The following CAMSAP2 variants were observed in gnomAD, a reference collection of about 807,000 sequenced individuals.
The protein encoded by CAMSAP2 is calmodulin regulated spectrin associated protein family member 2, also known as calmodulin-regulated spectrin-associated protein 2.
A neutral mutation model predicts 146.1 loss-of-function variants in CAMSAP2; 26 were observed. That is an observed-to-expected ratio of 0.18 (90% CI 0.13 to 0.25). The LOEUF is 0.25. Ranked by LOEUF, CAMSAP2 falls within the 10% of genes least tolerant of loss-of-function variation. The pLI is 1.00. For synonymous variants in CAMSAP2, 499 were observed against 596.6 expected (o/e 0.84, Z 2.38); for missense variants, 1,381 against 1,759.3 (o/e 0.78, Z 3.85).
At position 200,810,766 on chromosome 1, in the gene CAMSAP2, G is replaced by A. The variant is rs535872969; in HGVS notation, c.561+3229G>A. Among the ~76,000 whole-genome samples, 7 of 152,042 alleles carry A rather than the reference G, an allele frequency of 4.6e-5. No individual in the cohort carries two copies. In the East Asian group the frequency reaches 1.2e-3, roughly 25 times the overall value. On this transcript the variant is annotated intron_variant, in intron 3 of 16. Coordinates refer to ENST00000358823, the MANE Select transcript of CAMSAP2 (RefSeq NM_203459.4). ...TAGCTGGGCGTGGTGGCACGCGCCT[G>A]TAGTCCCAGCTACTTGGGAGGCTGA... is the stretch of plus-strand genomic sequence containing the variant.
intron 2 of CAMSAP2, among the ~76,000 whole-genome samples, chr1:200,798,185 T>C (rs199593776): frequency 0.15 from 22,087 of 146,220 alleles, 1,617 homozygotes; most frequent in East Asian, 0.31. Context: ...GAACTTTAGT[T>C]TTTTCCAATT....
Position 200,858,114 on chromosome 1 carries a change from C to T in CAMSAP2, c.*55C>T, listed in dbSNP as rs926697996. The T allele has an allele frequency of 6.3e-6, 9 of 1,418,144 alleles. No individual in the cohort carries two copies. Among genetic ancestry groups the T allele is most frequent in the African/African-American group, 4.3e-5 (3 of 69,326 alleles). The allele number at this position is 1,418,144 out of a possible 1,614,324, so 87.8% of individuals were successfully genotyped here. A position where few individuals can be genotyped will look rare whatever the true frequency, so the allele number is the denominator to read the frequency against. On this transcript the variant is annotated 3_prime_UTR_variant, in exon 17 of 17. Coordinates refer to ENST00000358823, the MANE Select transcript of CAMSAP2 (RefSeq NM_203459.4). ...CATGGTAAATTTGCACTTCATCTTT[C>T]CTGCCTATAGAAAATCTTTCTAATT...
chr1:200,836,898 G>C (rs1033279784), intron 6 of CAMSAP2, among the ~76,000 whole-genome samples: 1 of 151,966 alleles, frequency 6.6e-6, no homozygotes, highest in Non-Finnish European at 1.5e-5. Flanking sequence ...TATGTCTTTT[G>C]AAAAGTGTCT....
At chr1:200,778,658 G>T (rs1665348445) in intron 2 of CAMSAP2, among the ~76,000 whole-genome samples, 1 of 151,894 alleles carries the variant, frequency 6.6e-6, no homozygotes, top group African/African-American at 2.4e-5. Context: ...ATTTTTACCA[G>T]TTTTTTTCAT....
chr1:200,859,826 T>G lies in CAMSAP2; in HGVS notation c.*1767T>G, dbSNP rs1276885949. Reference sequence around the variant, plus strand: ...AAGGAAATGATAGTCAAATACACGTTTAGATTAAAACTAGTTTAAAAAATT... The same window carrying G: ...AAGGAAATGATAGTCAAATACACGTGTAGATTAAAACTAGTTTAAAAAATT... On this transcript the variant is annotated 3_prime_UTR_variant, in exon 17 of 17. Coordinates refer to ENST00000358823, the MANE Select transcript of CAMSAP2 (RefSeq NM_203459.4). The G allele has an allele frequency of 3.3e-5, 5 of 152,208 alleles. No homozygotes were observed. Among genetic ancestry groups the G allele is most frequent in the Non-Finnish European group, 5.9e-5 (4 of 67,948 alleles). The allele number at this position is 152,208 out of a possible 1,614,324, so 9.4% of individuals were successfully genotyped here.
intron 2 of CAMSAP2, among the ~76,000 whole-genome samples, chr1:200,783,858 T>C (rs1665510971): frequency 6.6e-6 from 1 of 152,160 alleles, no homozygotes; most frequent in Admixed American, 6.5e-5. Context: ...TACAATTTTT[T>C]TCTTTTTTAG....
At chr1:200,753,998 C>T (rs965529734) in intron 1 of CAMSAP2, among the ~76,000 whole-genome samples, 1 of 152,200 alleles carries the variant, frequency 6.6e-6, no homozygotes, top group Non-Finnish European at 1.5e-5. Flanking sequence ...TCCTTACCCC[C>T]ATTTCTTCCA....
Position 200,816,911 on chromosome 1 carries a change from T to TGTATGTGTGTACACACACACGCGC in CAMSAP2, c.645+1269_645+1270insATGTGTGTACACACACACGCGCGT. On this transcript the variant is annotated intron_variant, in intron 4 of 16. Transcript: ENST00000358823. ...GTGTATGTGTGTACACACACACGCG[T>TGTATGTGTGTACACACACACGCGC]GTGTATGTGTGTACACACACACGCG... is the stretch of plus-strand genomic sequence containing the variant. 3.9e-5 allele frequency among the ~76,000 whole-genome samples: 2 copies of TGTATGTGTGTACACACACACGCGC among 50,972 alleles called. 1 individual carries two copies. Among genetic ancestry groups the TGTATGTGTGTACACACACACGCGC allele is most frequent in the Admixed American group, 3.6e-4 (2 of 5,510 alleles). 33.4% of individuals were successfully genotyped at this position (50,972 alleles called of 152,430 possible).
intron 1 of CAMSAP2, among the ~76,000 whole-genome samples, chr1:200,744,279 T>C (rs933595462): frequency 2.0e-5 from 3 of 152,206 alleles, no homozygotes; most frequent in African/African-American, 7.2e-5. Flanking sequence ...ATTTAATCTC[T>C]AGTATTTCTA....
chr1:200,855,954 C>T, intron 14 of CAMSAP2, 56 bp from the exon 15 acceptor site: 1 of 1,191,880 alleles, frequency 8.4e-7, no homozygotes, highest in South Asian at 1.3e-5. Flanking sequence ...CGTATACCCT[C>T]TGGGCCCCAT....
chr1:200,837,709 G>A (rs574304734), intron 6 of CAMSAP2, among the ~76,000 whole-genome samples: 10 of 152,234 alleles, frequency 6.6e-5, no homozygotes, highest in African/African-American at 2.4e-4. Flanking sequence ...CCATGAGCAT[G>A]GAATGTTTTT....
intron 1 of CAMSAP2, 32 bp from the exon 2 acceptor site, chr1:200,760,807 T>C: frequency 6.8e-7 from 1 of 1,475,712 alleles, no homozygotes; most frequent in Non-Finnish European, 9.2e-7. Context: ...ATAAAAATCT[T>C]GTAAGAGAAT....
rs551652127 is a variant in CAMSAP2 at position 200,785,586 on chromosome 1, C to T, written c.400-21790C>T. 1.1e-4 allele frequency among the ~76,000 whole-genome samples: 16 copies of T among 152,176 alleles called. No homozygotes were observed. In the East Asian group the frequency reaches 2.5e-3, roughly 24 times the overall value. On this transcript the variant is annotated intron_variant, in intron 2 of 16. Coordinates refer to ENST00000358823, the MANE Select transcript of CAMSAP2 (RefSeq NM_203459.4). Reference sequence around the variant, plus strand: ...TGTATTTTTAGTAGAGACAGGGTTTCGCCATGTTTGCCAGGCCGGTCTCGA... The same window carrying T: ...TGTATTTTTAGTAGAGACAGGGTTTTGCCATGTTTGCCAGGCCGGTCTCGA...
intron 2 of CAMSAP2, among the ~76,000 whole-genome samples, chr1:200,802,145 G>T (rs1194174300): frequency 6.6e-6 from 1 of 152,140 alleles, no homozygotes; most frequent in Non-Finnish European, 1.5e-5. Context: ...GTTTATTCTT[G>T]AATTGTCAAT....
In CAMSAP2 at chr1:200,831,538, A is replaced by G. The variant is rs561540035; in HGVS notation, c.646-662A>G. 2.6e-5 allele frequency among the ~76,000 whole-genome samples: 4 copies of G among 152,200 alleles called. No homozygotes were observed. In the South Asian group the frequency reaches 6.2e-4, roughly 24 times the overall value. On this transcript the variant is annotated intron_variant, in intron 4 of 16. Coordinates refer to ENST00000358823, the MANE Select transcript of CAMSAP2 (RefSeq NM_203459.4). The stretch of plus-strand genomic sequence containing the variant: ...AAATTCTATCTAGCCACACCAAACA[A>G]TCTTTAGGAAACAAAGGTTTCTTCT...
chr1:200,782,242 TGAA>T (rs1281357826), intron 2 of CAMSAP2, among the ~76,000 whole-genome samples: 8 of 152,282 alleles, frequency 5.3e-5, no homozygotes, highest in African/African-American at 1.9e-4. Flanking sequence ...ATTTAACAGA[TGAA>T]GAAGATGAGG....
At chr1:200,816,891 TGTGTGTACAC>T (rs1666550096) in intron 4 of CAMSAP2, among the ~76,000 whole-genome samples, 1 of 74,552 alleles carries the variant, frequency 1.3e-5, no homozygotes, top group African/African-American at 5.3e-5. Flanking sequence ...CGCGTGTGTA[TGTGTGTACAC>T]ACACACGCGT....
At chr1:200,790,415 G>A (rs1276307376) in intron 2 of CAMSAP2, among the ~76,000 whole-genome samples, 1 of 152,184 alleles carries the variant, frequency 6.6e-6, no homozygotes, top group Admixed American at 6.5e-5. Flanking sequence ...GCCAGAGCCT[G>A]GTTGAGCTCT....
At chr1:200,809,690 C>T (rs1249640950) in intron 3 of CAMSAP2, among the ~76,000 whole-genome samples, 1 of 152,210 alleles carries the variant, frequency 6.6e-6, no homozygotes, top group Non-Finnish European at 1.5e-5. Context: ...GAGATCGCGC[C>T]AGTGCACTCC....
Sources: gnomAD v4.1 joint callset for allele counts (sites outside exome capture counted in the v4.1 genomes callset) on GRCh38, gnomAD v4.1.1 for gene constraint, MANE v1.5 for transcripts, NCBI Gene and HGNC (gene_info 2026-07-23, HGNC 2026-07-21) for gene names.